P3H2: variants seen among roughly 807,000 people sequenced by gnomAD.
P3H2 encodes the protein prolyl 3-hydroxylase 2, also known as leprecan-like 1.
In P3H2, 80 loss-of-function variants were observed where a neutral mutation model predicts 87.0. That is an observed-to-expected ratio of 0.92 (90% CI 0.77 to 1.11). The LOEUF (loss-of-function observed/expected upper bound fraction) is 1.11, where lower values mean the gene tolerates loss of function less well. Among genes scored for constraint, P3H2 ranks in the 50% least tolerant of loss-of-function variants. The pLI, the probability that P3H2 is intolerant of heterozygous loss-of-function variation, is 0.00. For missense variants in P3H2, 1,001 were observed against 923.9 expected, an observed-to-expected ratio of 1.08 and a Z score of -1.08; for synonymous variants, 367 against 359.3, an observed-to-expected ratio of 1.02 and a Z score of -0.24.
rs1239985227 is a variant in P3H2, at chr3:189,999,054, AG to A, written c.481-3613del. Among the ~76,000 whole-genome samples the A allele has an allele frequency of 1.1e-4, 16 of 152,076 alleles. No individual in the cohort carries two copies. In the East Asian group the frequency reaches 3.1e-3, roughly 30 times the overall value. On this transcript the variant is annotated intron_variant, in intron 1 of 14. Transcript: ENST00000319332. The stretch of plus-strand genomic sequence containing the variant: ...ACAGGACTGTACTGATCCATGGCCC[AG>A]GGGTTGGGGACCCCTCCTATAAGGT...
chr3:189,962,661 C>T (rs1032447644), intron 14 of P3H2, among the ~76,000 whole-genome samples: 6 of 152,172 alleles, frequency 3.9e-5, no homozygotes, highest in African/African-American at 1.4e-4. Context: ...TAGGGCCTAT[C>T]TAGCAGAGTT....
At chr3:190,016,629 T>G (rs1724763076) in intron 1 of P3H2, among the ~76,000 whole-genome samples, 1 of 152,238 alleles carries the variant, frequency 6.6e-6, no homozygotes, top group African/African-American at 2.4e-5. Context: ...ATAATAATAA[T>G]AATGCCAAGT....
chr3:189,966,145 AAGAAAGAAAGAAAGAAAGAAAG>A (rs1722993927), intron 13 of P3H2, among the ~76,000 whole-genome samples: 1 of 141,598 alleles, frequency 7.1e-6, no homozygotes, highest in African/African-American at 2.6e-5. Context: ...GAAAGAAAGA[AAGAAAGAAAGAAAGAAAGAAAG>A]AAAGAAAGAA....
rs974389754 is a variant in P3H2, at chr3:189,987,630, T to C, written c.995A>G (p.Tyr332Cys). ...CTCATCATCTGGATGGCATAGAAGA[T>C]AGGCTTTGGCACACTCCAGGGCTTT... ...YVKALECAKA[Y>C]LLCHPDDEDV... Residue 332 changes from tyrosine (Y) to cysteine (C), a missense_variant, in exon 5 of 15, where the codon TAT becomes TGT. Physicochemically the swap from Tyr to Cys is radical, Grantham distance 194 (BLOSUM62 -2). Transcript: ENST00000319332. 11 of 1,614,138 alleles carry C rather than the reference T, an allele frequency of 6.8e-6. No individual in the cohort carries two copies. Among genetic ancestry groups the C allele is most frequent in the Admixed American group, 6.7e-5 (4 of 60,012 alleles).
intron 1 of P3H2, among the ~76,000 whole-genome samples, chr3:190,028,227 T>A (rs983132392): frequency 1.3e-5 from 2 of 152,030 alleles, no homozygotes; most frequent in Non-Finnish European, 2.9e-5. Context: ...AAGGAAAAAA[T>A]TACCATACTT....
Position 189,994,197 on chromosome 3 carries a change from A to G in P3H2, c.720T>C (p.Tyr240=). The change falls in exon 3 of 15, where the codon TAT becomes TAC. Residue 240 remains tyrosine, a synonymous_variant. Coordinates refer to ENST00000319332, the MANE Select transcript of P3H2 (RefSeq NM_018192.4). ...IRHFEQALRE[Y]FVEDTECRTL... is the part of the protein sequence containing the mutation. Reference sequence around the variant, plus strand: ...TCCGGCATTCTGTATCTTCAACGAAATATTCTCTTAAGGCTTGTTCGAAGT... The same window carrying G: ...TCCGGCATTCTGTATCTTCAACGAAGTATTCTCTTAAGGCTTGTTCGAAGT... 2 of 1,613,862 alleles carry G rather than the reference A, an allele frequency of 1.2e-6. No individual in the cohort carries two copies. The highest frequency in any genetic ancestry group is 1.7e-6 in the Non-Finnish European group (2 of 1,179,882).
At chr3:190,049,269 GT>G (rs5855299) in intron 1 of P3H2, among the ~76,000 whole-genome samples, 122,253 of 151,008 alleles carry the variant, frequency 0.81, 49,558 homozygotes, top group East Asian at 0.88. Flanking sequence ...TAGACACATG[GT>G]TTTTTTTTTC....
At position 190,015,502 on chromosome 3, in the gene P3H2, T is replaced by C. The variant is rs567080313; in HGVS notation, c.481-20060A>G. Among the ~76,000 whole-genome samples the C allele has an allele frequency of 7.9e-5, 12 of 152,288 alleles. No homozygotes were observed. In the South Asian group the frequency reaches 1.9e-3, roughly 24 times the overall value. Reference sequence around the variant, plus strand: ...ACCCACGGTTTTCCCTTCATGCCAATACCAGCGTTCTATGGTAGAAATAGC... The same window carrying C: ...ACCCACGGTTTTCCCTTCATGCCAACACCAGCGTTCTATGGTAGAAATAGC... On this transcript the variant is annotated intron_variant, in intron 1 of 14. Transcript: ENST00000319332.
intron 1 of P3H2, among the ~76,000 whole-genome samples, chr3:190,013,160 G>T (rs143897804): frequency 1.3e-5 from 2 of 152,168 alleles, no homozygotes; most frequent in Admixed American, 6.5e-5. Flanking sequence ...ATATTGATAT[G>T]AATATAATAA....
intron 3 of P3H2, 91 bp from the exon 4 acceptor site, chr3:189,989,129 A>C: frequency 2.0e-6 from 3 of 1,471,372 alleles, no homozygotes; most frequent in Non-Finnish European, 2.8e-6. Flanking sequence ...GTCATTCCTC[A>C]CCTCACCACA....
Position 190,022,507 on chromosome 3 carries a change from A to G in P3H2, c.481-27065T>C, listed in dbSNP as rs1235295778. Among the ~76,000 whole-genome samples, 4 of 135,518 alleles carry G rather than the reference A, an allele frequency of 3.0e-5. 1 individual carries two copies. The highest frequency in any genetic ancestry group is 5.1e-5 in the African/African-American group (2 of 39,202). The allele number at this position is 135,518 out of a possible 152,430, so 88.9% of individuals were successfully genotyped here. On this transcript the variant is annotated intron_variant, in intron 1 of 14. Coordinates refer to ENST00000319332, the MANE Select transcript of P3H2 (RefSeq NM_018192.4). ...TGAAAGTCTCCTTTAGGTATTTTAT[A>G]CAGAATAAACTTGTATATACTTTTT...
At position 189,983,152 on chromosome 3, in the gene P3H2, A is replaced by T; in HGVS notation, c.1230-12T>A. On this transcript the variant is annotated splice_polypyrimidine_tract_variant and intron_variant, in intron 7 of 14. Coordinates refer to ENST00000319332, the MANE Select transcript of P3H2 (RefSeq NM_018192.4). ...CTCCTGAAGGGACCCTGCCCATTCA[A>T]AAAATTTAAAATGGCAATTTGTCAT... 1 of 1,603,366 alleles carries T rather than the reference A, an allele frequency of 6.2e-7. No homozygotes were observed. The highest frequency in any genetic ancestry group is 1.1e-5 in the South Asian group (1 of 90,834).
At chr3:190,016,297 A>G (rs1198423792) in intron 1 of P3H2, among the ~76,000 whole-genome samples, 1 of 152,140 alleles carries the variant, frequency 6.6e-6, no homozygotes, top group African/African-American at 2.4e-5. Context: ...AGGCTGGAGT[A>G]CAATGGTGTG....
At chr3:190,101,932 A>G (rs183953423) in intron 1 of P3H2, among the ~76,000 whole-genome samples, 52 of 152,320 alleles carry the variant, frequency 3.4e-4, no homozygotes, top group African/African-American at 1.2e-3. Flanking sequence ...ATGTTCATTT[A>G]CCATCCCCCA....
intron 8 of P3H2, among the ~76,000 whole-genome samples, chr3:189,977,587 C>A (rs1445261458): frequency 6.6e-6 from 1 of 151,986 alleles, no homozygotes; most frequent in Non-Finnish European, 1.5e-5. Context: ...GTTTTCACAG[C>A]AATAAAAAAA....
At chr3:189,978,896 C>T (rs1723436204) in intron 8 of P3H2, among the ~76,000 whole-genome samples, 1 of 152,070 alleles carries the variant, frequency 6.6e-6, no homozygotes, top group Non-Finnish European at 1.5e-5. Context: ...TAACCACAGC[C>T]CAAGAAGATT....
chr3:190,074,769 T>C (rs1339263392), intron 1 of P3H2, among the ~76,000 whole-genome samples: 2 of 152,218 alleles, frequency 1.3e-5, no homozygotes, highest in Non-Finnish European at 2.9e-5. Flanking sequence ...GCTTTATGTC[T>C]TTTCTCTCAC....
At chr3:190,102,189 A>G (rs756181463) in intron 1 of P3H2, among the ~76,000 whole-genome samples, 8 of 152,238 alleles carry the variant, frequency 5.3e-5, no homozygotes, top group Non-Finnish European at 8.8e-5. Context: ...GCTTACTAAC[A>G]TAACATCCAT....
At chr3:190,031,471 T>C (rs910714846) in intron 1 of P3H2, among the ~76,000 whole-genome samples, 2 of 151,944 alleles carry the variant, frequency 1.3e-5, no homozygotes, top group South Asian at 4.1e-4. Context: ...ACCCTGTCTC[T>C]ACTAAAAATA....
Sources: gnomAD v4.1 joint callset for allele counts (sites outside exome capture counted in the v4.1 genomes callset) on GRCh38, gnomAD v4.1.1 for gene constraint, MANE v1.5 for transcripts, NCBI Gene and HGNC (gene_info 2026-07-23, HGNC 2026-07-21) for gene names.